TBC1D12: variants seen among roughly 807,000 people sequenced by gnomAD.
The protein encoded by TBC1D12 is TBC1 domain family member 12, also known as TBC1 domain family, member 12.
A neutral mutation model predicts 86.7 loss-of-function variants in TBC1D12; 56 were observed. The ratio of observed to expected loss-of-function variants is 0.65; its 90% CI spans 0.52 to 0.81. TBC1D12 has a LOEUF of 0.81. Ranked by LOEUF, TBC1D12 falls within the 30% of genes least tolerant of loss-of-function variation. The probability of loss-of-function intolerance (pLI) is 0.00; values close to 1 mark genes in which losing one functional copy is unlikely to be tolerated. For synonymous variants in TBC1D12, 421 were observed against 411.7 expected, an observed-to-expected ratio of 1.02 and a Z score of -0.27; for missense variants, 1,023 against 1,038.8, an observed-to-expected ratio of 0.98 and a Z score of 0.21.
chr10:94,450,341 A>C (rs1215281434), intron 2 of TBC1D12, among the ~76,000 whole-genome samples: 2 of 151,950 alleles, frequency 1.3e-5, no homozygotes, highest in African/African-American at 4.8e-5. Context: ...TTTTTCTCAG[A>C]GATGACATGC....
At position 94,432,852 on chromosome 10, in the gene TBC1D12, T is replaced by TA. The variant is rs565653077; in HGVS notation, c.972-9043dup. Among the ~76,000 whole-genome samples, 33 of 152,142 alleles carry TA rather than the reference T, an allele frequency of 2.2e-4. No individual in the cohort carries two copies. In the East Asian group the frequency reaches 5.2e-3, roughly 24 times the overall value. On this transcript the variant is annotated intron_variant, in intron 1 of 12. Coordinates refer to ENST00000225235, the MANE Select transcript of TBC1D12 (RefSeq NM_015188.2). ...CAAAAACCACATCCACTGAAAGACT[T>TA]ACTGTTATTTGATTTAAGAAGTTAG...
chr10:94,511,517 G>A, intron 8 of TBC1D12, 66 bp from the exon 9 acceptor site: 1 of 970,594 alleles, frequency 1.0e-6, no homozygotes. Flanking sequence ...TTATTAACAT[G>A]TTATATGAAA....
chr10:94,469,624 A>G lies in TBC1D12; in HGVS notation c.1096-5044A>G, dbSNP rs561064457. Among the ~76,000 whole-genome samples the G allele has an allele frequency of 3.3e-5, 5 of 151,126 alleles. No homozygotes were observed. In the East Asian group the frequency reaches 9.7e-4, roughly 29 times the overall value. On this transcript the variant is annotated intron_variant, in intron 2 of 12. Transcript: ENST00000225235. ...GCCACCATGCCCAGCTAATTTTTGT[A>G]TTTTTCATAGAGACAGAGTTTCAGC...
chr10:94,451,385 T>A (rs1015576399), intron 2 of TBC1D12, among the ~76,000 whole-genome samples: 2 of 152,272 alleles, frequency 1.3e-5, no homozygotes, highest in Middle Eastern at 6.8e-3. Context: ...TAAGATTTTT[T>A]AAATAATAAT....
intron 2 of TBC1D12, among the ~76,000 whole-genome samples, chr10:94,470,508 C>A (rs1395491997): frequency 6.6e-6 from 1 of 151,878 alleles, no homozygotes; most frequent in Admixed American, 6.6e-5. Flanking sequence ...GGACTAGAGG[C>A]GCATGCCACC....
At chr10:94,425,820 A>G (rs1379722233) in intron 1 of TBC1D12, among the ~76,000 whole-genome samples, 2 of 152,150 alleles carry the variant, frequency 1.3e-5, no homozygotes, top group Admixed American at 6.5e-5. Context: ...ATATCTAGCC[A>G]TTTATTTGGG....
At chr10:94,485,415 C>T (rs1057056901) in intron 3 of TBC1D12, among the ~76,000 whole-genome samples, 1 of 152,088 alleles carries the variant, frequency 6.6e-6, no homozygotes, top group Admixed American at 6.6e-5. Flanking sequence ...AATATACTTA[C>T]ATTCCAGGGA....
At chr10:94,412,268 T>C (rs560685189) in intron 1 of TBC1D12, among the ~76,000 whole-genome samples, 1 of 152,356 alleles carries the variant, frequency 6.6e-6, no homozygotes, top group East Asian at 1.9e-4. Context: ...TCAAATGTTA[T>C]TATTCAGACA....
At chr10:94,526,291 T>C (rs1842287472) in intron 11 of TBC1D12, among the ~76,000 whole-genome samples, 1 of 151,968 alleles carries the variant, frequency 6.6e-6, no homozygotes, top group African/African-American at 2.4e-5. Context: ...ATTAGCTGTA[T>C]GGTACATGGT....
intron 2 of TBC1D12, among the ~76,000 whole-genome samples, chr10:94,444,159 G>T (rs2055418357): frequency 7.2e-6 from 1 of 139,686 alleles, no homozygotes. Flanking sequence ...GACAGAGCAA[G>T]ACTCCATCTC....
intron 9 of TBC1D12, among the ~76,000 whole-genome samples, chr10:94,515,933 G>A (rs2056586726): frequency 6.6e-6 from 1 of 152,144 alleles, no homozygotes; most frequent in Admixed American, 6.5e-5. Context: ...ACACTGGATA[G>A]AGGGATGATT....
chr10:94,429,765 G>A (rs556829653), intron 1 of TBC1D12, among the ~76,000 whole-genome samples: 13 of 151,526 alleles, frequency 8.6e-5, no homozygotes, highest in Admixed American at 8.5e-4. Flanking sequence ...ACAGGTTCTT[G>A]CTCTGTCACT....
At chr10:94,504,828 C>G (rs2056440874) in intron 6 of TBC1D12, among the ~76,000 whole-genome samples, 1 of 152,136 alleles carries the variant, frequency 6.6e-6, no homozygotes, top group African/African-American at 2.4e-5. Flanking sequence ...ATAATTGTCA[C>G]AAAATCAGAA....
intron 6 of TBC1D12, among the ~76,000 whole-genome samples, chr10:94,504,703 G>GT (rs1404486380): frequency 6.6e-6 from 1 of 152,114 alleles, no homozygotes; most frequent in Non-Finnish European, 1.5e-5. Context: ...AGAAATCTTA[G>GT]TTTTTCTTCA....
At chr10:94,443,736 G>A (rs1397150109) in intron 2 of TBC1D12, among the ~76,000 whole-genome samples, 1 of 152,138 alleles carries the variant, frequency 6.6e-6, no homozygotes, top group African/African-American at 2.4e-5. Context: ...TTCTGAGGTT[G>A]CTGTGATAAA....
At chr10:94,524,501 GA>G (rs1168672098) in intron 11 of TBC1D12, among the ~76,000 whole-genome samples, 1 of 152,074 alleles carries the variant, frequency 6.6e-6, no homozygotes, top group East Asian at 1.9e-4. Context: ...AGTACTTTGG[GA>G]GGCCGAGGCA....
At chr10:94,443,663 A>G (rs545715916) in intron 2 of TBC1D12, among the ~76,000 whole-genome samples, 56 of 152,332 alleles carry the variant, frequency 3.7e-4, no homozygotes, top group East Asian at 3.9e-4. Flanking sequence ...AGCAGTACAC[A>G]GTTCCAACAT....
intron 2 of TBC1D12, among the ~76,000 whole-genome samples, chr10:94,443,406 G>A (rs2134092724): frequency 6.6e-6 from 1 of 152,278 alleles, no homozygotes; most frequent in South Asian, 2.1e-4. Context: ...TCAGCTTCCT[G>A]AGAAGCTGGG....
At chr10:94,514,933 A>T (rs1589670714) in intron 9 of TBC1D12, among the ~76,000 whole-genome samples, 2 of 114,658 alleles carry the variant, frequency 1.7e-5, no homozygotes, top group Admixed American at 1.1e-4. Flanking sequence ...TTTGAGACGG[A>T]GTCTCACTCT....
Sources: allele counts gnomAD v4.1 joint callset (sites outside exome capture counted in the v4.1 genomes callset), GRCh38; gene constraint gnomAD v4.1.1; transcripts MANE v1.5; gene names NCBI Gene and HGNC (gene_info 2026-07-23, HGNC 2026-07-21).